Variants in CDH4 observed in about 807,000 individuals in gnomAD.
CDH4 encodes the protein cadherin-4.
A neutral mutation model predicts 86.0 loss-of-function variants in CDH4; 33 were observed. The observed-to-expected ratio is 0.38, with a 90% CI of 0.29 to 0.51. The LOEUF (loss-of-function observed/expected upper bound fraction) is 0.51. Among genes scored for constraint, CDH4 ranks in the 20% least tolerant of loss-of-function variants. The pLI is 0.86. For missense variants in CDH4, 1,114 were observed against 1,307.4 expected, an observed-to-expected ratio of 0.85 and a Z score of 2.28; for synonymous variants, 555 against 549.4, an observed-to-expected ratio of 1.01 and a Z score of -0.14.
At chr20:61,523,598 C>T (rs904175499) in intron 2 of CDH4, among the ~76,000 whole-genome samples, 1 of 152,222 alleles carries the variant, frequency 6.6e-6, no homozygotes, top group African/African-American at 2.4e-5. Flanking sequence ...TTGCAGCTGT[C>T]GTGCAGGGCA....
At chr20:61,794,764 A>G (rs1016661732) in intron 4 of CDH4, among the ~76,000 whole-genome samples, 4 of 152,184 alleles carry the variant, frequency 2.6e-5, no homozygotes, top group Non-Finnish European at 5.9e-5. Context: ...TGCAAAGTGC[A>G]TGATCACACA....
At chr20:61,394,700 A>G (rs191703608) in intron 2 of CDH4, among the ~76,000 whole-genome samples, 1 of 151,956 alleles carries the variant, frequency 6.6e-6, no homozygotes, top group East Asian at 2.0e-4. Context: ...TTGGAGCCAG[A>G]ACTGCTGCCT....
intron 4 of CDH4, among the ~76,000 whole-genome samples, chr20:61,777,008 G>GCC (rs1293795697): frequency 6.6e-6 from 1 of 152,200 alleles, no homozygotes; most frequent in Non-Finnish European, 1.5e-5. Context: ...GTCCCAAGGA[G>GCC]TCCCTAGTCA....
intron 2 of CDH4, among the ~76,000 whole-genome samples, chr20:61,560,192 C>A (rs201141886): frequency 2.0e-5 from 3 of 152,152 alleles, no homozygotes; most frequent in African/African-American, 7.2e-5. Flanking sequence ...ACAGTGAATC[C>A]CCCCACCTGC....
intron 2 of CDH4, among the ~76,000 whole-genome samples, chr20:61,629,701 C>A (rs2086865842): frequency 6.6e-6 from 1 of 152,160 alleles, no homozygotes; most frequent in African/African-American, 2.4e-5. Context: ...AATCTAGGAG[C>A]CCCAGACAAG....
At chr20:61,711,263 C>A (rs539357528) in intron 2 of CDH4, among the ~76,000 whole-genome samples, 1 of 152,188 alleles carries the variant, frequency 6.6e-6, no homozygotes, top group Admixed American at 6.5e-5. Flanking sequence ...CTTCGCCTTC[C>A]GCCATGATTG....
chr20:61,547,214 TTTTTTTTTTG>T (rs1462479043), intron 2 of CDH4, among the ~76,000 whole-genome samples: 1 of 92,590 alleles, frequency 1.1e-5, no homozygotes, highest in African/African-American at 4.1e-5. Flanking sequence ...TTTTTTTTTT[TTTTTTTTTTG>T]CCCCCTGAGA....
chr20:61,256,222 C>T (rs773669773), intron 2 of CDH4, among the ~76,000 whole-genome samples: 13 of 152,222 alleles, frequency 8.5e-5, no homozygotes, highest in South Asian at 2.1e-4. Context: ...GTGCGTTGGA[C>T]GGTCTCTTAT....
chr20:61,633,599 A>G (rs2086916693), intron 2 of CDH4, among the ~76,000 whole-genome samples: 1 of 152,232 alleles, frequency 6.6e-6, no homozygotes, highest in African/African-American at 2.4e-5. Context: ...GACAGCCTAG[A>G]TCTTCCCGGA....
chr20:61,770,228 A>G (rs1050973660), intron 3 of CDH4, among the ~76,000 whole-genome samples: 1 of 152,078 alleles, frequency 6.6e-6, no homozygotes, highest in African/African-American at 2.4e-5. Flanking sequence ...GCTCCTTTCT[A>G]AGGAAGGCTG....
rs780526563 is a variant in CDH4 at position 61,934,092 on chromosome 20, A to G, written c.2416A>G (p.Met806Val). ...DLSQLQQPEA[M>V]GHVPSKAPGV... ...CAGCCAGCTGCAGCAGCCGGAAGCC[A>G]TGGGGCACGTGCCAAGCAAAGCCCC... Residue 806 changes from methionine (M) to valine (V), a missense_variant, in exon 15 of 16, where the codon ATG becomes GTG. Met to Val is a conservative substitution (Grantham distance 21, BLOSUM62 1). Coordinates refer to ENST00000614565, the MANE Select transcript of CDH4 (RefSeq NM_001794.5). 6.8e-6 allele frequency: 11 copies of G among 1,611,326 alleles called. No homozygotes were observed. Among genetic ancestry groups the G allele is most frequent in the Middle Eastern group, 4.0e-4 (2 of 4,946 alleles).
chr20:61,719,190 ATTTTT>A (rs11440327), intron 2 of CDH4: 1 of 392,256 alleles, frequency 2.5e-6, no homozygotes, highest in Admixed American at 3.0e-5. Context: ...CTAATCAGAG[ATTTTT>A]TTTTTTAAGT....
chr20:61,316,754 C>G (rs1395964731), intron 2 of CDH4, among the ~76,000 whole-genome samples: 1 of 152,212 alleles, frequency 6.6e-6, no homozygotes, highest in Non-Finnish European at 1.5e-5. Flanking sequence ...GAGCCGCCGC[C>G]TCTGCTTTTC....
At chr20:61,833,966 G>C (rs952717497) in intron 4 of CDH4, among the ~76,000 whole-genome samples, 1 of 152,216 alleles carries the variant, frequency 6.6e-6, no homozygotes, top group African/African-American at 2.4e-5. Flanking sequence ...CATCCATTCT[G>C]GCAGGTCTCC....
chr20:61,321,813 C>T (rs2084509984), intron 2 of CDH4, among the ~76,000 whole-genome samples: 2 of 152,140 alleles, frequency 1.3e-5, no homozygotes, highest in Admixed American at 1.3e-4. Context: ...CAGCACTGAG[C>T]CCTTGTCCAA....
rs111310315 is a variant in CDH4, at chr20:61,873,694, G to T, written c.878-34G>T. On this transcript the variant is annotated intron_variant, in intron 6 of 15. Coordinates refer to ENST00000614565, the MANE Select transcript of CDH4 (RefSeq NM_001794.5). ...GCGGGGGTGGCAGCCTGTGTGGCAG[G>T]CCATCCCCATCTGAGCTGCTGTCTC... 15,231 of 1,599,088 alleles carry T rather than the reference G, an allele frequency of 9.5e-3. 1,273 individuals carry two copies. In the African/African-American group the frequency reaches 0.18, roughly 19 times the overall value.
intron 8 of CDH4, among the ~76,000 whole-genome samples, chr20:61,898,967 C>T (rs1659142682): frequency 6.6e-6 from 1 of 152,114 alleles, no homozygotes; most frequent in African/African-American, 2.4e-5. Context: ...AACAATGTCA[C>T]CAAAACCTTC....
intron 2 of CDH4, among the ~76,000 whole-genome samples, chr20:61,658,711 G>A (rs1295838533): frequency 6.6e-6 from 1 of 152,136 alleles, no homozygotes; most frequent in Non-Finnish European, 1.5e-5. Context: ...GCTGTCAAAA[G>A]CCCAAGTACC....
intron 4 of CDH4, among the ~76,000 whole-genome samples, chr20:61,834,165 G>A (rs934372134): frequency 2.0e-5 from 3 of 152,172 alleles, no homozygotes; most frequent in East Asian, 3.9e-4. Flanking sequence ...AGTGGGTCTC[G>A]GCAGGCAAAG....
Sources: allele counts gnomAD v4.1 joint callset (sites outside exome capture counted in the v4.1 genomes callset), GRCh38; gene constraint gnomAD v4.1.1; transcripts MANE v1.5; gene names NCBI Gene and HGNC (gene_info 2026-07-23, HGNC 2026-07-21).